Variants in SEZ6 observed in about 807,000 individuals in gnomAD.
SEZ6 encodes the protein seizure related 6 homolog.
SEZ6 carries 53 observed loss-of-function variants against 101.0 expected under a neutral mutation model. The ratio of observed to expected loss-of-function variants is 0.52; its 90% CI spans 0.42 to 0.66. SEZ6 has a LOEUF of 0.66. SEZ6 is among the 30% of genes least tolerant of loss of function. SEZ6 has a pLI of 0.00. For synonymous variants in SEZ6, 488 were observed against 512.2 expected, an observed-to-expected ratio of 0.95 and a Z score of 0.64; for missense variants, 1,102 against 1,289.4, an observed-to-expected ratio of 0.85 and a Z score of 2.23.
intron 1 of SEZ6, among the ~76,000 whole-genome samples, chr17:28,986,623 C>G (rs896126320): frequency 6.6e-6 from 1 of 152,242 alleles, no homozygotes; most frequent in Non-Finnish European, 1.5e-5. Context: ...CTGGGGGAAC[C>G]GCCGAACCAG....
At chr17:28,976,538 G>A (rs1000190251) in intron 3 of SEZ6, among the ~76,000 whole-genome samples, 6 of 152,270 alleles carry the variant, frequency 3.9e-5, no homozygotes, top group East Asian at 1.9e-4. Flanking sequence ...CTCCATGATG[G>A]AGGGAAGCCA....
At chr17:28,983,156 C>T (rs2041334016) in intron 1 of SEZ6, among the ~76,000 whole-genome samples, 1 of 152,218 alleles carries the variant, frequency 6.6e-6, no homozygotes, top group Admixed American at 6.5e-5. Flanking sequence ...GGCTGTGTGC[C>T]CTCAGGCAAA....
intron 1 of SEZ6, among the ~76,000 whole-genome samples, chr17:29,002,979 G>C (rs1000005510): frequency 6.6e-6 from 1 of 151,988 alleles, no homozygotes; most frequent in Non-Finnish European, 1.5e-5. Flanking sequence ...TTCTCAAGTG[G>C]AGCTCAGAGA....
At chr17:28,984,212 C>T (rs2041347036) in intron 1 of SEZ6, among the ~76,000 whole-genome samples, 1 of 152,168 alleles carries the variant, frequency 6.6e-6, no homozygotes, top group South Asian at 2.1e-4. Flanking sequence ...GAATAAGTTA[C>T]GGAAGGTCCA....
chr17:28,967,725 C>G (rs929301899), intron 4 of SEZ6, among the ~76,000 whole-genome samples: 1 of 152,088 alleles, frequency 6.6e-6, no homozygotes, highest in Non-Finnish European at 1.5e-5. Flanking sequence ...GGAGGGCCCT[C>G]GTTTCACAGA....
chr17:28,986,932 G>A (rs548923965), intron 1 of SEZ6, among the ~76,000 whole-genome samples: 1 of 152,358 alleles, frequency 6.6e-6, no homozygotes, highest in South Asian at 2.1e-4. Context: ...GAGGTGCCAG[G>A]CATTTCCCAA....
chr17:28,966,512 T>TA (rs1392807186), intron 4 of SEZ6, among the ~76,000 whole-genome samples: 1 of 152,024 alleles, frequency 6.6e-6, no homozygotes, highest in Non-Finnish European at 1.5e-5. Context: ...GGCTTGCGTC[T>TA]AAGAGGTGAG....
intron 2 of SEZ6, 113 bp from the exon 3 acceptor site, chr17:28,979,926 G>T (rs2041275236): frequency 3.2e-6 from 3 of 942,226 alleles, no homozygotes; most frequent in East Asian, 2.9e-5. Flanking sequence ...TGTGTGTGTG[G>T]TGAAGACCAC....
chr17:28,960,347 G>A (rs1035855509), intron 7 of SEZ6, 158 bp downstream of exon 7: 1 of 957,754 alleles, frequency 1.0e-6, no homozygotes, highest in Non-Finnish European at 1.6e-6. Flanking sequence ...CCCAAAGAGA[G>A]GGGCAGGGAA....
intron 1 of SEZ6, among the ~76,000 whole-genome samples, chr17:29,002,428 C>T (rs749492654): frequency 2.3e-4 from 35 of 152,320 alleles, no homozygotes; most frequent in Admixed American, 5.2e-4. Flanking sequence ...GCATTTTAAG[C>T]GGCCACCCTG....
At chr17:28,968,417 C>T (rs944682056) in intron 4 of SEZ6, among the ~76,000 whole-genome samples, 2 of 152,228 alleles carry the variant, frequency 1.3e-5, no homozygotes, top group African/African-American at 4.8e-5. Context: ...CTTTGTCTGG[C>T]CCGACAGAGA....
intron 3 of SEZ6, among the ~76,000 whole-genome samples, chr17:28,976,634 C>T (rs1406146239): frequency 6.6e-6 from 1 of 152,196 alleles, no homozygotes; most frequent in Non-Finnish European, 1.5e-5. Context: ...CCCCAGTGTC[C>T]AGCATGGCCT....
rs1350827737 is a variant in SEZ6 at position 28,971,514 on chromosome 17, AC to A, written c.859-1563del. On this transcript the variant is annotated intron_variant, in intron 3 of 16. Transcript: ENST00000317338. ...CAGCTGAGGCAGGAGAATCGCTTGA[AC>A]CTGGGAGGCGGAGGTTGCGGTGAGC... 2.0e-5 allele frequency among the ~76,000 whole-genome samples: 3 copies of A among 152,082 alleles called. No homozygotes were observed. The East Asian group carries it at 5.8e-4, about 29-fold the overall frequency.
intron 1 of SEZ6, among the ~76,000 whole-genome samples, chr17:28,994,827 A>T (rs1361217110): frequency 6.7e-6 from 1 of 150,154 alleles, no homozygotes; most frequent in African/African-American, 2.5e-5. Flanking sequence ...GTAGAGGAGG[A>T]GGGGGCTTGG....
chr17:28,959,454 A>G lies in SEZ6; in HGVS notation c.1790T>C (p.Ile597Thr). The part of the protein sequence containing the change: ...PACRAVCSGE[I>T]TDSAGVVLSP... ...GAGTACCACGCCAGCCGAGTCTGTG[A>G]TCTCCCCGCTGCACACGGCTGGAAG... The change falls in exon 9 of 17, where the codon ATC (isoleucine) becomes ACC (threonine). Residue 597 changes from isoleucine (I) to threonine (T), a missense_variant. By Grantham distance (89) the Ile-to-Thr change is moderately conservative (BLOSUM62 -1). This residue lies in a region of SEZ6 where 556 missense variants were observed against 735.1 expected (regional missense o/e 0.76). Coordinates refer to ENST00000317338, the MANE Select transcript of SEZ6 (RefSeq NM_178860.5). The surrounding 1 kb of genome is among the most constrained non-coding windows in gnomAD (Gnocchi z 4.4). 1 of 1,613,490 alleles carries G rather than the reference A, an allele frequency of 6.2e-7. No homozygotes were observed. Among genetic ancestry groups the G allele is most frequent in the Non-Finnish European group, 8.5e-7 (1 of 1,179,850 alleles).
intron 13 of SEZ6, 44 bp from the exon 14 acceptor site, chr17:28,956,801 G>A: frequency 6.4e-7 from 1 of 1,550,602 alleles, no homozygotes; most frequent in Non-Finnish European, 8.7e-7. Flanking sequence ...TGAGCCCAAT[G>A]GGCCAAACCA....
chr17:28,992,152 C>A (rs12452815), intron 1 of SEZ6, among the ~76,000 whole-genome samples: 17,978 of 152,256 alleles, frequency 0.12, 1,358 homozygotes, highest in Non-Finnish European at 0.17. Flanking sequence ...AAAGAGCTGT[C>A]TTCCACCTAG....
At chr17:28,961,110 A>G (rs1266085375) in intron 5 of SEZ6, 137 bp from the exon 6 acceptor site, 1 of 1,121,218 alleles carries the variant, frequency 8.9e-7, no homozygotes, top group South Asian at 1.5e-5. Context: ...CTTGGCCCTC[A>G]TCGTCCTGAA....
rs1455741557 is a variant in SEZ6 at position 28,956,725 on chromosome 17, G to A, written c.2725C>T (p.Leu909=). 2 of 1,562,460 alleles carry A rather than the reference G, an allele frequency of 1.3e-6. No individual in the cohort carries two copies. The highest frequency in any genetic ancestry group is 1.7e-6 in the Non-Finnish European group (2 of 1,153,106). Residue 909 remains leucine, a synonymous_variant, in exon 14 of 17, where the codon CTG becomes TTG. Coordinates refer to ENST00000317338, the MANE Select transcript of SEZ6 (RefSeq NM_178860.5). ...SLDGFYNSRS[L]DVAKAPAASS... Reference sequence around the variant, plus strand: ...CTCAAGGGTGGAGACTTACCATCCAGGCTGCGACTGTTGTAGAACCCATCC... The same window carrying A: ...CTCAAGGGTGGAGACTTACCATCCAAGCTGCGACTGTTGTAGAACCCATCC...
Sources: gnomAD v4.1 joint callset for allele counts (sites outside exome capture counted in the v4.1 genomes callset) on GRCh38, gnomAD v4.1.1 for gene constraint, gnomAD v4.1.1 regional missense constraint, Gnocchi (gnomAD v3.1) non-coding constraint, MANE v1.5 for transcripts, NCBI Gene and HGNC (gene_info 2026-07-23, HGNC 2026-07-21) for gene names.